The following SBF2 variants were observed in gnomAD, a reference collection of about 807,000 sequenced individuals.
SBF2 encodes SET binding factor 2.
Under a neutral mutation model 225.2 loss-of-function variants are expected in SBF2, and 112 were observed. The ratio of observed to expected loss-of-function variants is 0.50; its 90% CI spans 0.43 to 0.58. SBF2 has a LOEUF of 0.58. Ranked by LOEUF, SBF2 falls within the 20% of genes least tolerant of loss-of-function variation. The pLI is 0.00. For synonymous variants in SBF2, 763 were observed against 773.3 expected (o/e 0.99, Z 0.22); for missense variants, 1,996 against 2,206.2 (o/e 0.90, Z 1.91).
chr11:9,999,612 G>A (rs1037197292), intron 8 of SBF2, among the ~76,000 whole-genome samples: 2 of 151,878 alleles, frequency 1.3e-5, no homozygotes, highest in African/African-American at 2.4e-5. Context: ...GTGGGCCACC[G>A]TGCCTGGCCT....
chr11:10,256,308 C>T (rs886739637), intron 1 of SBF2, among the ~76,000 whole-genome samples: 2 of 152,218 alleles, frequency 1.3e-5, no homozygotes, highest in African/African-American at 4.8e-5. Context: ...CTTTCTACTA[C>T]ATGATTTCTA....
intron 1 of SBF2, among the ~76,000 whole-genome samples, chr11:10,235,130 T>C (rs770300715): frequency 2.6e-5 from 4 of 152,258 alleles, no homozygotes; most frequent in Admixed American, 6.5e-5. Context: ...TCATAGCTCA[T>C]TGCCAACATT....
intron 2 of SBF2, among the ~76,000 whole-genome samples, chr11:10,174,838 G>C (rs960846655): frequency 1.3e-5 from 2 of 151,590 alleles, no homozygotes; most frequent in Non-Finnish European, 2.9e-5. Context: ...CAAGCCAGAA[G>C]ACAGTGGGGG....
At chr11:10,198,504 C>T (rs72861758) in intron 1 of SBF2, among the ~76,000 whole-genome samples, 8,367 of 152,278 alleles carry the variant, frequency 0.055, 318 homozygotes, top group Middle Eastern at 0.14. Context: ...TAGCATAATT[C>T]TTAAAGGCAC....
intron 2 of SBF2, among the ~76,000 whole-genome samples, chr11:10,094,528 A>ATTTTTTTTTTTTTTTTTTTT (rs60485793): frequency 1.3e-4 from 14 of 107,288 alleles, no homozygotes; most frequent in Admixed American, 2.3e-4. Context: ...ATACACACAG[A>ATTTTTTTTTTTTTTTTTTTT]TTTTTTTTTT....
chr11:10,257,282 A>G (rs1960942748), intron 1 of SBF2, among the ~76,000 whole-genome samples: 1 of 152,210 alleles, frequency 6.6e-6, no homozygotes, highest in African/African-American at 2.4e-5. Flanking sequence ...CCACAAAAAA[A>G]TCTTCCAATG....
At chr11:10,092,291 T>C (rs1951814628) in intron 2 of SBF2, among the ~76,000 whole-genome samples, 1 of 152,196 alleles carries the variant, frequency 6.6e-6, no homozygotes, top group Non-Finnish European at 1.5e-5. Context: ...TTCTTGGAGA[T>C]AACATATACA....
chr11:9,993,484 C>A (rs763458673), intron 10 of SBF2, among the ~76,000 whole-genome samples: 1 of 152,206 alleles, frequency 6.6e-6, no homozygotes, highest in Non-Finnish European at 1.5e-5. Flanking sequence ...TATACGTAAC[C>A]TTTTATGGCT....
intron 2 of SBF2, among the ~76,000 whole-genome samples, chr11:10,132,853 C>G (rs1339310007): frequency 1.3e-5 from 2 of 148,800 alleles, no homozygotes; most frequent in Non-Finnish European, 3.0e-5. Context: ...TTTACAATCC[C>G]TGAGCTAGAT....
At chr11:10,281,315 G>A (rs1963391308) in intron 1 of SBF2, among the ~76,000 whole-genome samples, 1 of 152,048 alleles carries the variant, frequency 6.6e-6, no homozygotes, top group Non-Finnish European at 1.5e-5. Flanking sequence ...TGGCTGCTGG[G>A]GCTGCAGCCT....
At chr11:9,926,521 A>G (rs1373854163) in intron 16 of SBF2, among the ~76,000 whole-genome samples, 1 of 152,130 alleles carries the variant, frequency 6.6e-6, no homozygotes, top group African/African-American at 2.4e-5. Flanking sequence ...ACCATAAAAC[A>G]TCTCCCAATG....
At chr11:9,925,319 C>G (rs1434618722) in intron 16 of SBF2, among the ~76,000 whole-genome samples, 1 of 151,858 alleles carries the variant, frequency 6.6e-6, no homozygotes, top group African/African-American at 2.4e-5. Flanking sequence ...TGGAGTTTTG[C>G]TCTTGGAGTG....
chr11:10,267,469 A>G (rs1962106176), intron 1 of SBF2, among the ~76,000 whole-genome samples: 1 of 152,222 alleles, frequency 6.6e-6, no homozygotes, highest in East Asian at 1.9e-4. Flanking sequence ...TGAGGGAAAA[A>G]AAAACAACAC....
rs747146155 is a variant in SBF2, at chr11:9,808,008, C to T, written c.4435G>A (p.Val1479Ile). The change falls in exon 32 of 40, where the codon GTA becomes ATA. Residue 1479 changes from valine (V) to isoleucine (I), a missense_variant. Val to Ile is a conservative substitution (Grantham distance 29, BLOSUM62 3). Coordinates refer to ENST00000256190, the MANE Select transcript of SBF2 (RefSeq NM_030962.4). ...AAGCTTGCTCTACTTACCTGGTGTA[C>T]ACAGTCTAAGAACTGTAAGAAGACT... ...APVFLQFLDC[V>I]HQVHNQYPTE... The T allele has an allele frequency of 1.9e-6, 3 of 1,613,832 alleles. No homozygotes were observed. The highest frequency in any genetic ancestry group is 2.5e-6 in the Non-Finnish European group (3 of 1,179,726).
chr11:9,830,655 G>A (rs1303050092), intron 27 of SBF2, among the ~76,000 whole-genome samples: 4 of 150,708 alleles, frequency 2.7e-5, no homozygotes, highest in African/African-American at 7.3e-5. Flanking sequence ...CAGGAGAATC[G>A]CTTGAACCTT....
chr11:9,783,220 TCA>T lies in SBF2; in HGVS notation c.5319+1129_5319+1130del. 1.3e-5 allele frequency: 2 copies of T among 152,326 alleles called. 1 individual carries two copies. The highest frequency in any genetic ancestry group is 4.1e-4 in the South Asian group (2 of 4,828). The allele number at this position is 152,326 out of a possible 1,614,324, so 9.4% of individuals were successfully genotyped here. On this transcript the variant is annotated intron_variant, in intron 38 of 39. Coordinates refer to ENST00000256190, the MANE Select transcript of SBF2 (RefSeq NM_030962.4). Reference sequence around the variant, plus strand: ...TTTACACAGTGTAGGCTCTATGATTTCAGAGTATAGCTCCCTAACAGGGCTTC... The same window carrying T: ...TTTACACAGTGTAGGCTCTATGATTTGAGTATAGCTCCCTAACAGGGCTTC...
At chr11:9,860,318 A>C (rs1052524982) in intron 17 of SBF2, among the ~76,000 whole-genome samples, 6 of 142,146 alleles carry the variant, frequency 4.2e-5, no homozygotes, top group Non-Finnish European at 7.5e-5. Flanking sequence ...GCTGGAGTGC[A>C]GTGGCATGAT....
chr11:10,058,764 G>T (rs1950337761), intron 2 of SBF2, among the ~76,000 whole-genome samples: 1 of 151,980 alleles, frequency 6.6e-6, no homozygotes, highest in Non-Finnish European at 1.5e-5. Context: ...AGAGAGAAAG[G>T]GCAGGTCACC....
At chr11:10,184,562 T>G (rs1047588345) in intron 2 of SBF2, among the ~76,000 whole-genome samples, 1 of 152,172 alleles carries the variant, frequency 6.6e-6, no homozygotes, top group African/African-American at 2.4e-5. Flanking sequence ...ACTCCAAAAC[T>G]CTTTCCATCT....
Sources: allele counts gnomAD v4.1 joint callset (sites outside exome capture counted in the v4.1 genomes callset), GRCh38; gene constraint gnomAD v4.1.1; transcripts MANE v1.5; gene names NCBI Gene and HGNC (gene_info 2026-07-23, HGNC 2026-07-21).